The following CNIH3 variants were observed in gnomAD, a reference collection of about 807,000 sequenced individuals.
The protein encoded by CNIH3 is protein cornichon homolog 3.
In CNIH3, 14 loss-of-function variants were observed where a neutral mutation model predicts 24.1. The ratio of observed to expected loss-of-function variants is 0.58; its 90% CI spans 0.38 to 0.91. The LOEUF is 0.91. CNIH3 is among the 40% of genes least tolerant of loss of function. CNIH3 has a pLI of 0.00. For synonymous variants in CNIH3, 68 were observed against 73.8 expected (o/e 0.92, Z 0.40); for missense variants, 178 against 196.8 (o/e 0.90, Z 0.57).
intron 3 of CNIH3, chr1:224,730,225 A>G: frequency 2.2e-6 from 1 of 462,492 alleles, no homozygotes; most frequent in Non-Finnish European, 3.9e-6. Flanking sequence ...AATAGTAAGC[A>G]GTGCACTGAG....
intron 1 of CNIH3, among the ~76,000 whole-genome samples, chr1:224,657,261 A>C (rs1298837190): frequency 6.6e-6 from 1 of 152,144 alleles, no homozygotes; most frequent in Non-Finnish European, 1.5e-5. Context: ...CCCTTAAATC[A>C]ACATAAGAGC....
At chr1:224,585,138 C>T (rs887951239) in intron 5 of CNIH3, among the ~76,000 whole-genome samples, 1 of 152,190 alleles carries the variant, frequency 6.6e-6, no homozygotes, top group South Asian at 2.1e-4. Context: ...CTTACCATTC[C>T]TGAGATGTCA....
intron 1 of CNIH3, among the ~76,000 whole-genome samples, chr1:224,464,719 T>C (rs1224500193): frequency 6.6e-6 from 1 of 152,220 alleles, no homozygotes; most frequent in Non-Finnish European, 1.5e-5. Flanking sequence ...TTTTGATTCC[T>C]GTAGCTTTTA....
At chr1:224,574,812 G>A (rs1680966620) in intron 4 of CNIH3, 7 of 958,428 alleles carry the variant, frequency 7.3e-6, no homozygotes, top group Non-Finnish European at 1.2e-5. Context: ...CCCATTGGAT[G>A]AGCCAGGTAA....
At chr1:224,477,708 A>T (rs947309974) in intron 1 of CNIH3, among the ~76,000 whole-genome samples, 1 of 152,190 alleles carries the variant, frequency 6.6e-6, no homozygotes, top group Non-Finnish European at 1.5e-5. Flanking sequence ...CCACAATTAC[A>T]GTGTTAATGA....
intron 1 of CNIH3, among the ~76,000 whole-genome samples, chr1:224,490,603 A>G (rs1436204410): frequency 6.6e-6 from 1 of 152,240 alleles, no homozygotes; most frequent in Non-Finnish European, 1.5e-5. Flanking sequence ...TACATCATGT[A>G]TAAGAGATGT....
Position 224,604,269 on chromosome 1 carries a change from T to C in CNIH3, n.402+38005T>C, listed in dbSNP as rs1045417382. Among the ~76,000 whole-genome samples the C allele has an allele frequency of 2.6e-5, 4 of 152,260 alleles. No homozygotes were observed. The highest frequency in any genetic ancestry group is 2.6e-4 in the Admixed American group (4 of 15,288). ...TCAGAACAGAAATCTTTCAATAGTA[T>C]AGGAATCGCTGCAGTTATATTAATG... is the stretch of plus-strand genomic sequence containing the variant. On this transcript the variant is annotated intron_variant and non_coding_transcript_variant, in intron 3 of 7. Coordinates refer to the CNIH3 transcript ENST00000478120. The surrounding 1 kb of genome is among the most constrained non-coding windows in gnomAD (Gnocchi z 4.4).
intron 1 of CNIH3, among the ~76,000 whole-genome samples, chr1:224,442,834 T>G (rs1674977400): frequency 6.6e-6 from 1 of 152,194 alleles, no homozygotes; most frequent in African/African-American, 2.4e-5. Flanking sequence ...GTCCGAAAAG[T>G]AGCCACTGTT....
At chr1:224,694,621 C>T (rs1186799087) in intron 3 of CNIH3, among the ~76,000 whole-genome samples, 1 of 152,150 alleles carries the variant, frequency 6.6e-6, no homozygotes, top group African/African-American at 2.4e-5. Context: ...ATGAAAAAGA[C>T]ACATGCACAC....
chr1:224,466,946 T>C (rs1676173407), intron 1 of CNIH3, among the ~76,000 whole-genome samples: 1 of 152,194 alleles, frequency 6.6e-6, no homozygotes, highest in Non-Finnish European at 1.5e-5. Context: ...TACTGTTGAG[T>C]TTTGGAAATT....
At chr1:224,671,048 G>T (rs1392124794) in intron 1 of CNIH3, among the ~76,000 whole-genome samples, 2 of 152,250 alleles carry the variant, frequency 1.3e-5, no homozygotes, top group Non-Finnish European at 2.9e-5. Flanking sequence ...TCTGTCAGCA[G>T]ACGGCCTTTG....
At chr1:224,698,366 G>T (rs2897161) in intron 3 of CNIH3, among the ~76,000 whole-genome samples, 61,092 of 152,110 alleles carry the variant, frequency 0.4, 14,468 homozygotes, top group Non-Finnish European at 0.54. Flanking sequence ...CGGGGAACAC[G>T]CAGCAAGAAC....
intron 3 of CNIH3, among the ~76,000 whole-genome samples, chr1:224,729,255 T>C (rs1323623328): frequency 6.6e-6 from 1 of 151,036 alleles, no homozygotes; most frequent in Non-Finnish European, 1.5e-5. Flanking sequence ...TACTGAAAAA[T>C]ATGAAAATTA....
chr1:224,509,347 A>G (rs1267967178), intron 1 of CNIH3, among the ~76,000 whole-genome samples: 1 of 152,152 alleles, frequency 6.6e-6, no homozygotes, highest in Non-Finnish European at 1.5e-5. Context: ...GGAAAGAAGA[A>G]GGGAAAGAAG....
intron 2 of CNIH3, among the ~76,000 whole-genome samples, chr1:224,542,628 T>A (rs1338436332): frequency 6.6e-6 from 1 of 152,148 alleles, no homozygotes; most frequent in African/African-American, 2.4e-5. Flanking sequence ...TCTAAGGATA[T>A]GATGTAGCTC....
rs930101497 is a variant in CNIH3 at position 224,458,515 on chromosome 1, G to T, written n.203+23653G>T. On this transcript the variant is annotated intron_variant and non_coding_transcript_variant, in intron 1 of 5. Coordinates refer to the CNIH3 transcript ENST00000471578. This position sits in a 1 kb window ranked among gnomAD's most constrained non-coding sequence, Gnocchi z 4.3. ...TGGCCTGCGGTTGGTGGGCAGGAGA[G>T]CCTGGTCTGATGACAGCAACCACCC... Among the ~76,000 whole-genome samples, 6 of 152,192 alleles carry T rather than the reference G, an allele frequency of 3.9e-5. No individual in the cohort carries two copies. The highest frequency in any genetic ancestry group is 2.6e-4 in the Admixed American group (4 of 15,280).
At chr1:224,690,879 C>T (rs879696770) in intron 3 of CNIH3, among the ~76,000 whole-genome samples, 7 of 152,140 alleles carry the variant, frequency 4.6e-5, no homozygotes, top group Non-Finnish European at 1.0e-4. Flanking sequence ...GATATGACCA[C>T]CGGTGCTCCC....
chr1:224,659,639 A>C (rs781260463), intron 1 of CNIH3, among the ~76,000 whole-genome samples: 1 of 152,230 alleles, frequency 6.6e-6, no homozygotes, highest in Admixed American at 6.5e-5. Context: ...GGGGAACAGC[A>C]TGAGAAGTTT....
chr1:224,453,703 T>C (rs1675526247), intron 1 of CNIH3, among the ~76,000 whole-genome samples: 2 of 151,988 alleles, frequency 1.3e-5, no homozygotes, highest in Non-Finnish European at 2.9e-5. Flanking sequence ...AGGCTATTCA[T>C]AGGCATGATC....
Sources: allele counts gnomAD v4.1 joint callset (sites outside exome capture counted in the v4.1 genomes callset), GRCh38; gene constraint gnomAD v4.1.1; non-coding constraint Gnocchi (gnomAD v3.1); transcripts MANE v1.5; gene names NCBI Gene and HGNC (gene_info 2026-07-23, HGNC 2026-07-21).